DPYD: variants seen among roughly 807,000 people sequenced by gnomAD.
DPYD encodes dihydropyrimidine dehydrogenase [NADP(+)].
DPYD carries 109 observed loss-of-function variants against 116.2 expected under a neutral mutation model. The observed-to-expected ratio is 0.94, with a 90% CI of 0.80 to 1.10. The LOEUF is 1.10. DPYD is among the 50% of genes least tolerant of loss of function. DPYD has a pLI of 0.00. For missense variants in DPYD, 1,302 were observed against 1,254.5 expected (o/e 1.04, Z -0.57); for synonymous variants, 440 against 432.0 (o/e 1.02, Z -0.23).
At chr1:97,680,658 C>A (rs765823078) in intron 7 of DPYD, among the ~76,000 whole-genome samples, 2 of 152,046 alleles carry the variant, frequency 1.3e-5, no homozygotes, top group Non-Finnish European at 2.9e-5. Context: ...TAATCTGAAG[C>A]GATCTGGACA....
intron 8 of DPYD, among the ~76,000 whole-genome samples, chr1:97,639,033 A>G (rs879430396): frequency 6.6e-6 from 1 of 152,038 alleles, no homozygotes; most frequent in Admixed American, 6.6e-5. Context: ...TAGCCACAGA[A>G]CAGTCCTGCA....
chr1:97,689,151 T>A (rs528084000), intron 7 of DPYD, among the ~76,000 whole-genome samples: 1 of 151,652 alleles, frequency 6.6e-6, no homozygotes, highest in Non-Finnish European at 1.5e-5. Flanking sequence ...ATTATCTTTA[T>A]TCTCTTGTAA....
chr1:97,413,046 A>T (rs188427831), intron 14 of DPYD, among the ~76,000 whole-genome samples: 2 of 152,228 alleles, frequency 1.3e-5, no homozygotes, highest in African/African-American at 4.8e-5. Context: ...GAAAGGGTTT[A>T]TCATATGCTA....
intron 13 of DPYD, among the ~76,000 whole-genome samples, chr1:97,477,273 C>T (rs1678017605): frequency 6.6e-6 from 1 of 152,224 alleles, no homozygotes; most frequent in South Asian, 2.1e-4. Context: ...TCTCAATAAA[C>T]TACTTTCTTT....
chr1:97,295,001 A>G (rs1368339733), intron 18 of DPYD, among the ~76,000 whole-genome samples: 2 of 152,240 alleles, frequency 1.3e-5, no homozygotes, highest in Non-Finnish European at 2.9e-5. Context: ...TAATGAGTAT[A>G]CTATATTTAG....
Position 97,581,764 on chromosome 1 carries a change from A to AG in DPYD, c.1129-7795_1129-7794insC, listed in dbSNP as rs1179044273. On this transcript the variant is annotated intron_variant, in intron 10 of 22. Coordinates refer to ENST00000370192, the MANE Select transcript of DPYD (RefSeq NM_000110.4). ...CTGTCTCAAAAAAAAAAAAAAAAAA[A>AG]AAAGAAAGGACAGCATGGAAAAGGT... Among the ~76,000 whole-genome samples the AG allele has an allele frequency of 7.9e-5, 12 of 151,370 alleles. No homozygotes were observed. The East Asian group carries it at 2.3e-3, about 29-fold the overall frequency.
intron 3 of DPYD, among the ~76,000 whole-genome samples, chr1:97,798,738 T>C (rs754603264): frequency 6.6e-6 from 1 of 151,992 alleles, no homozygotes; most frequent in Non-Finnish European, 1.5e-5. Flanking sequence ...TAAAGCTTGT[T>C]GTTATTGTTA....
chr1:97,876,753 G>T (rs1319627795), intron 2 of DPYD, among the ~76,000 whole-genome samples: 1 of 151,964 alleles, frequency 6.6e-6, no homozygotes, highest in Non-Finnish European at 1.5e-5. Context: ...AGAAAGCAGA[G>T]AAACAAAGGG....
chr1:97,854,153 G>C lies in DPYD; in HGVS notation c.151-25957C>G, dbSNP rs11165919. Among the ~76,000 whole-genome samples, 937 of 151,998 alleles carry C rather than the reference G, an allele frequency of 6.2e-3. 8 individuals are homozygous for C. The highest frequency in any genetic ancestry group is 0.021 in the African/African-American group (886 of 41,492). Reference sequence around the variant, plus strand: ...ATTTAATTGTTTGCCTTTTTTTCTTGATTTTTCAAGCCTCTATGCAAATAA... The same window carrying C: ...ATTTAATTGTTTGCCTTTTTTTCTTCATTTTTCAAGCCTCTATGCAAATAA... On this transcript the variant is annotated intron_variant, in intron 2 of 22. Transcript: ENST00000370192.
chr1:97,142,668 G>T (rs934206999), intron 20 of DPYD, among the ~76,000 whole-genome samples: 1 of 151,688 alleles, frequency 6.6e-6, no homozygotes, highest in African/African-American at 2.4e-5. Context: ...TTTTTTTACA[G>T]AAAAATAGCA....
At chr1:97,359,378 A>T (rs1365907489) in intron 16 of DPYD, among the ~76,000 whole-genome samples, 1 of 152,166 alleles carries the variant, frequency 6.6e-6, no homozygotes, top group East Asian at 1.9e-4. Context: ...AAGTTGGAAA[A>T]CACTCTTCAG....
rs574327726 is a variant in DPYD at position 97,412,139 on chromosome 1, C to T, written c.1906-29678G>A. 9.8e-5 allele frequency among the ~76,000 whole-genome samples: 15 copies of T among 152,302 alleles called. No homozygotes were observed. The East Asian group carries it at 2.7e-3, about 27-fold the overall frequency. ...AATTTTTTTCTAATGTGAATGTTAG[C>T]TATTTCAAGTGCTGAACTAAAGTCA... On this transcript the variant is annotated intron_variant, in intron 14 of 22. Transcript: ENST00000370192.
rs550909773 is a variant in DPYD at position 97,802,882 on chromosome 1, G to A, written c.233+25232C>T. Reference sequence around the variant, plus strand: ...AATTTTTTTGTGATGTTTGCTGTTCGTTTAATTCACAACATCTTTTCCTCA... The same window carrying A: ...AATTTTTTTGTGATGTTTGCTGTTCATTTAATTCACAACATCTTTTCCTCA... On this transcript the variant is annotated intron_variant, in intron 3 of 22. Transcript: ENST00000370192. Among the ~76,000 whole-genome samples, 84 of 151,830 alleles carry A rather than the reference G, an allele frequency of 5.5e-4. 1 individual carries two copies. The South Asian group carries it at 9.8e-3, about 18-fold the overall frequency.
intron 3 of DPYD, among the ~76,000 whole-genome samples, chr1:97,748,092 T>C (rs572771642): frequency 2.0e-4 from 31 of 152,262 alleles, no homozygotes; most frequent in African/African-American, 7.0e-4. Flanking sequence ...ACATTAAACA[T>C]AGTAGACATC....
At position 97,215,637 on chromosome 1, in the gene DPYD, T is replaced by C. The variant is rs117173543; in HGVS notation, c.2442+19215A>G. Among the ~76,000 whole-genome samples, 175 of 152,300 alleles carry C rather than the reference T, an allele frequency of 1.1e-3. 1 individual carries two copies. The East Asian group carries it at 0.031, about 27-fold the overall frequency. ...AGAGGTTTATGAAAGGTCTACGTTA[T>C]TTTATATTTAACTGAGGGCACTTGT... On this transcript the variant is annotated intron_variant, in intron 19 of 22. Transcript: ENST00000370192.
chr1:97,378,979 G>A (rs907060401), intron 15 of DPYD, among the ~76,000 whole-genome samples: 3 of 152,318 alleles, frequency 2.0e-5, no homozygotes, highest in African/African-American at 7.2e-5. Flanking sequence ...ATCAAACATT[G>A]TAAACACAGA....
chr1:97,177,360 T>G (rs1340514423), intron 20 of DPYD, among the ~76,000 whole-genome samples: 2 of 152,152 alleles, frequency 1.3e-5, no homozygotes, highest in African/African-American at 4.8e-5. Context: ...CTGGGAAGTA[T>G]CTACTGGATT....
At chr1:97,720,166 A>T (rs61786598) in intron 5 of DPYD, 104,981 of 645,430 alleles carry the variant, frequency 0.16, 2,432 homozygotes, top group Middle Eastern at 0.21. Flanking sequence ...TCTCTCTCTC[A>T]CACACACACA....
chr1:97,628,559 G>T (rs1657071141), intron 8 of DPYD, among the ~76,000 whole-genome samples: 3 of 152,014 alleles, frequency 2.0e-5, no homozygotes, highest in Admixed American at 1.3e-4. Flanking sequence ...AATAACAGTT[G>T]ATTATAGAAA....
Sources: allele counts gnomAD v4.1 joint callset (sites outside exome capture counted in the v4.1 genomes callset), GRCh38; gene constraint gnomAD v4.1.1; transcripts MANE v1.5; gene names NCBI Gene and HGNC (gene_info 2026-07-23, HGNC 2026-07-21).